The following RARB variants were observed in gnomAD, a reference collection of about 807,000 sequenced individuals.
RARB encodes the protein HBV-activated protein.
A neutral mutation model predicts 51.9 loss-of-function variants in RARB; 17 were observed. The ratio of observed to expected loss-of-function variants is 0.33; its 90% CI spans 0.22 to 0.49. RARB has a LOEUF of 0.49. Among genes scored for constraint, RARB ranks in the 20% least tolerant of loss-of-function variants. The pLI, the probability that RARB is intolerant of heterozygous loss-of-function variation, is 0.99. For synonymous variants in RARB, 215 were observed against 195.4 expected (o/e 1.10, Z -0.84); for missense variants, 369 against 550.8 (o/e 0.67, Z 3.30).
intron 3 of RARB, among the ~76,000 whole-genome samples, chr3:25,505,527 A>G (rs972475935): frequency 9.5e-5 from 14 of 147,812 alleles, no homozygotes; most frequent in African/African-American, 3.6e-4. Flanking sequence ...CTATCAGAAC[A>G]GTATGCTTAT....
chr3:25,077,497 T>C (rs1698894506), intron 3 of RARB, among the ~76,000 whole-genome samples: 2 of 152,178 alleles, frequency 1.3e-5, no homozygotes, highest in Non-Finnish European at 2.9e-5. Context: ...TTTAGATTCA[T>C]CCATGTCGTT....
intron 2 of RARB, among the ~76,000 whole-genome samples, chr3:24,888,100 A>T (rs1030306955): frequency 6.6e-6 from 1 of 152,200 alleles, no homozygotes; most frequent in African/African-American, 2.4e-5. Context: ...TGAGGGATAA[A>T]AAAACCTACA....
At chr3:25,252,857 C>T (rs1702762681) in intron 5 of RARB, among the ~76,000 whole-genome samples, 1 of 152,134 alleles carries the variant, frequency 6.6e-6, no homozygotes, top group African/African-American at 2.4e-5. Context: ...TGAGTCATGA[C>T]TTATGGATCT....
At chr3:24,915,585 C>T (rs1401759056) in intron 2 of RARB, among the ~76,000 whole-genome samples, 1 of 152,156 alleles carries the variant, frequency 6.6e-6, no homozygotes, top group Non-Finnish European at 1.5e-5. Flanking sequence ...GAGATATATG[C>T]CCAAATGTTG....
chr3:25,564,534 G>T (rs1012816158), intron 3 of RARB, among the ~76,000 whole-genome samples: 1 of 152,192 alleles, frequency 6.6e-6, no homozygotes, highest in Non-Finnish European at 1.5e-5. Flanking sequence ...TTAAGTTCTG[G>T]AAGAAAGAGG....
chr3:24,950,554 G>A (rs996581449), intron 2 of RARB, among the ~76,000 whole-genome samples: 2 of 152,098 alleles, frequency 1.3e-5, no homozygotes, highest in African/African-American at 4.8e-5. Flanking sequence ...AGCTTGCCTG[G>A]CAGAATGCAC....
intron 3 of RARB, among the ~76,000 whole-genome samples, chr3:25,124,103 G>A (rs1016905437): frequency 3.3e-5 from 5 of 152,266 alleles, no homozygotes; most frequent in South Asian, 4.1e-4. Flanking sequence ...GGCCGGGCGC[G>A]GTGGCTCACG....
chr3:25,155,167 T>A (rs1477054969), intron 4 of RARB, among the ~76,000 whole-genome samples: 1 of 152,336 alleles, frequency 6.6e-6, no homozygotes, highest in East Asian at 1.9e-4. Flanking sequence ...CTGTCTTGTC[T>A]GCTCAATTCT....
chr3:25,390,133 G>A (rs1473613773), intron 5 of RARB, among the ~76,000 whole-genome samples: 1 of 152,078 alleles, frequency 6.6e-6, no homozygotes, highest in Non-Finnish European at 1.5e-5. Context: ...TTAAGAGGTG[G>A]GACTTTTAGG....
At chr3:25,471,164 G>T (rs1377506816) in intron 2 of RARB, among the ~76,000 whole-genome samples, 1 of 152,102 alleles carries the variant, frequency 6.6e-6, no homozygotes, top group African/African-American at 2.4e-5. Context: ...TATATAAACA[G>T]GACAAGGTCT....
intron 2 of RARB, among the ~76,000 whole-genome samples, chr3:25,033,573 A>G (rs1575128034): frequency 6.6e-6 from 1 of 152,158 alleles, no homozygotes; most frequent in Admixed American, 6.5e-5. Context: ...GCCAGGAGAC[A>G]TGCCGATTAT....
At chr3:24,922,765 T>C (rs1329385074) in intron 2 of RARB, among the ~76,000 whole-genome samples, 1 of 152,132 alleles carries the variant, frequency 6.6e-6, no homozygotes, top group Non-Finnish European at 1.5e-5. Context: ...CAATTCATAA[T>C]AGAAAGACTA....
At chr3:25,396,529 G>A (rs1423633190) in intron 5 of RARB, among the ~76,000 whole-genome samples, 1 of 152,168 alleles carries the variant, frequency 6.6e-6, no homozygotes. Context: ...GTAGTATAGT[G>A]GGGATACAAG....
chr3:25,331,103 T>A (rs1271502977), intron 5 of RARB, among the ~76,000 whole-genome samples: 6 of 152,104 alleles, frequency 3.9e-5, no homozygotes, highest in Non-Finnish European at 8.8e-5. Context: ...ACTGTCAACA[T>A]TAGACAGATC....
intron 2 of RARB, among the ~76,000 whole-genome samples, chr3:24,968,318 A>G (rs1001178326): frequency 7.2e-5 from 11 of 152,142 alleles, no homozygotes; most frequent in Admixed American, 4.6e-4. Context: ...ATGACTGGGT[A>G]CAAGATCTTC....
At chr3:24,836,203 C>CA (rs1702343222) in intron 1 of RARB, among the ~76,000 whole-genome samples, 1 of 152,140 alleles carries the variant, frequency 6.6e-6, no homozygotes, top group African/African-American at 2.4e-5. Flanking sequence ...ATGAGCAAAG[C>CA]AAAATCTCCT....
intron 4 of RARB, 42 bp downstream of exon 4, chr3:25,569,960 C>T: frequency 6.4e-7 from 1 of 1,566,484 alleles, no homozygotes; most frequent in Non-Finnish European, 8.7e-7. Context: ...AGTGTGGAAA[C>T]CTTGTACGTG....
Position 25,215,596 on chromosome 3 carries a change from A to C in RARB, c.178+41021A>C, listed in dbSNP as rs1007708745. Among the ~76,000 whole-genome samples, 15 of 152,228 alleles carry C rather than the reference A, an allele frequency of 9.9e-5. No homozygotes were observed. In the South Asian group the frequency reaches 1.2e-3, roughly 13 times the overall value. The stretch of plus-strand genomic sequence containing the variant: ...GTTCTGCCTTGGGAACCCGTGCCTG[A>C]GGAACTTCATGGGACCACCAGAAAC... On this transcript the variant is annotated intron_variant, in intron 5 of 11. Coordinates refer to the RARB transcript ENST00000383772.
chr3:25,190,590 T>C (rs1701078409), intron 5 of RARB, among the ~76,000 whole-genome samples: 1 of 152,016 alleles, frequency 6.6e-6, no homozygotes, highest in Admixed American at 6.6e-5. Flanking sequence ...AACAGGCAAA[T>C]GAAAAAGAGA....
Sources: allele counts gnomAD v4.1 joint callset (sites outside exome capture counted in the v4.1 genomes callset), GRCh38; gene constraint gnomAD v4.1.1; transcripts MANE v1.5; gene names NCBI Gene and HGNC (gene_info 2026-07-23, HGNC 2026-07-21).